The following COXFA4L3 variants were observed in gnomAD, a reference collection of about 807,000 sequenced individuals.
COXFA4L3 encodes the protein MIR147B host.
chr15:45,432,235 C>A, the COXFA4L3 span: 2 of 895,516 alleles, frequency 2.2e-6, no homozygotes, highest in South Asian at 3.2e-5. Context: ...TAACTTAGAT[C>A]AATTGTGCCT....
At chr15:45,430,812 C>T in the COXFA4L3 span, 1 of 1,611,532 alleles carries the variant, frequency 6.2e-7, no homozygotes, top group Non-Finnish European at 8.5e-7. Context: ...CTTTTTCCAA[C>T]TCCTGATGAA....
chr15:45,431,724 A>T, the COXFA4L3 span, among the ~76,000 whole-genome samples: 2 of 152,076 alleles, frequency 1.3e-5, no homozygotes, highest in Admixed American at 1.3e-4. Flanking sequence ...GCAGAGTTCA[A>T]CCTGCCCCTC....
chr15:45,431,889 A>G, the COXFA4L3 span, among the ~76,000 whole-genome samples: 1 of 152,214 alleles, frequency 6.6e-6, no homozygotes, highest in Non-Finnish European at 1.5e-5. Context: ...TGTTTGAGCC[A>G]CACCATGAAA....
chr15:45,433,173 T>C, the COXFA4L3 span: 13 of 793,256 alleles, frequency 1.6e-5, no homozygotes, highest in Non-Finnish European at 3.0e-5. Flanking sequence ...ATTAAAGGAG[T>C]GCAGCAATAA....
At chr15:45,430,695 G>T in the COXFA4L3 span, 1 of 1,127,792 alleles carries the variant, frequency 8.9e-7, no homozygotes, top group Non-Finnish European at 1.3e-6. Flanking sequence ...GCGCCGGCCC[G>T]CAGTTGGCCT....
the COXFA4L3 span, chr15:45,431,035 C>T: frequency 3.1e-6 from 5 of 1,613,896 alleles, no homozygotes; most frequent in African/African-American, 6.7e-5. Flanking sequence ...ACTGTGGCGG[C>T]GGGTGGAGCC....
the COXFA4L3 span, among the ~76,000 whole-genome samples, chr15:45,432,361 C>A: frequency 1.3e-5 from 2 of 152,144 alleles, no homozygotes; most frequent in Admixed American, 6.6e-5. Flanking sequence ...TAATACCTGG[C>A]AAACTTAAAA....
chr15:45,430,649 C>A, the COXFA4L3 span: 6 of 679,306 alleles, frequency 8.8e-6, no homozygotes, highest in African/African-American at 5.4e-5. Flanking sequence ...CACCGCCCGG[C>A]GTCCAGGTGA....
the COXFA4L3 span, chr15:45,430,610 C>G: frequency 3.3e-6 from 2 of 601,390 alleles, no homozygotes; most frequent in Non-Finnish European, 5.9e-6. Flanking sequence ...CCGGCCCGTT[C>G]GGTTCCGGGC....
chr15:45,432,891 C>A, the COXFA4L3 span: 2 of 1,484,162 alleles, frequency 1.3e-6, no homozygotes, highest in Non-Finnish European at 1.8e-6. Flanking sequence ...GAGGGACATG[C>A]AAATGAAAGT....
At chr15:45,430,685 G>C in the COXFA4L3 span, 1 of 969,360 alleles carries the variant, frequency 1.0e-6, no homozygotes, top group African/African-American at 1.6e-5. Context: ...AGACGCGGAC[G>C]CGCCGGCCCG....
At chr15:45,431,207 G>A in the COXFA4L3 span, 1 of 701,808 alleles carries the variant, frequency 1.4e-6, no homozygotes, top group Non-Finnish European at 2.3e-6. Context: ...TGAACTGGGA[G>A]TCAGGGTTAA....
chr15:45,430,857 T>C, the COXFA4L3 span: 10 of 1,603,110 alleles, frequency 6.2e-6, no homozygotes, highest in African/African-American at 1.3e-4. Context: ...CAATTGAAAA[T>C]CTTGACTAAA....
chr15:45,431,157 A>C, the COXFA4L3 span: 1 of 1,347,754 alleles, frequency 7.4e-7, no homozygotes, highest in Non-Finnish European at 1.0e-6. Context: ...GAAATGTATA[A>C]GTTTCCTATT....
the COXFA4L3 span, chr15:45,431,457 A>G: frequency 5.7e-6 from 1 of 176,596 alleles, no homozygotes; most frequent in African/African-American, 2.4e-5. Flanking sequence ...GGAGATATAT[A>G]TCATGAAACA....
chr15:45,431,459 C>T, the COXFA4L3 span: 1 of 174,000 alleles, frequency 5.7e-6, no homozygotes, highest in African/African-American at 2.4e-5. Flanking sequence ...AGATATATAT[C>T]ATGAAACAAT....
At chr15:45,431,028 G>T in the COXFA4L3 span, 9 of 1,614,142 alleles carry the variant, frequency 5.6e-6, no homozygotes, top group African/African-American at 1.3e-5. Flanking sequence ...GTTCATGACT[G>T]TGGCGGCGGG....
chr15:45,432,758 A>G, the COXFA4L3 span, among the ~76,000 whole-genome samples: 1 of 152,182 alleles, frequency 6.6e-6, no homozygotes, highest in Admixed American at 6.6e-5. Context: ...GGGCTTTGTA[A>G]AAAGATGGAC....
chr15:45,431,395 G>T, the COXFA4L3 span: 10 of 240,156 alleles, frequency 4.2e-5, no homozygotes, highest in Admixed American at 5.6e-5. Flanking sequence ...GTGAAGTAAA[G>T]CTTGTTTTTT....
Sources: allele counts gnomAD v4.1 joint callset (sites outside exome capture counted in the v4.1 genomes callset), GRCh38; gene constraint gnomAD v4.1.1; transcripts MANE v1.5; gene names NCBI Gene and HGNC (gene_info 2026-07-23, HGNC 2026-07-21).